Variants in SORCS2 observed in about 807,000 individuals in gnomAD.
SORCS2 encodes the protein sortilin related VPS10 domain containing receptor 2.
In SORCS2, 100 loss-of-function variants were observed where a neutral mutation model predicts 141.6. The ratio of observed to expected loss-of-function variants is 0.71; its 90% CI spans 0.60 to 0.83. The LOEUF is 0.83. Ranked by LOEUF, SORCS2 falls within the 40% of genes least tolerant of loss-of-function variation. The pLI is 0.00. For missense variants in SORCS2, 1,646 were observed against 1,560.2 expected, an observed-to-expected ratio of 1.05 and a Z score of -0.93; for synonymous variants, 789 against 676.9, an observed-to-expected ratio of 1.17 and a Z score of -2.57.
rs1721623376 is a variant in SORCS2, at chr4:7,654,354, C to G, written c.887+147C>G. On this transcript the variant is annotated intron_variant, in intron 5 of 26. Coordinates refer to ENST00000507866, the MANE Select transcript of SORCS2 (RefSeq NM_020777.3). ...GGGCTGGGTCCCCACCGTCCACTGC[C>G]TCTGCCTGCAGCCCCACACCCTCCT... The G allele has an allele frequency of 1.6e-5, 12 of 769,182 alleles. No homozygotes were observed. In the South Asian group the frequency reaches 1.7e-4, roughly 11 times the overall value. The allele number at this position is 769,182 out of a possible 1,614,324, so 47.6% of individuals were successfully genotyped here.
intron 1 of SORCS2, among the ~76,000 whole-genome samples, chr4:7,226,791 C>G (rs1729016260): frequency 6.6e-6 from 1 of 152,170 alleles, no homozygotes; most frequent in African/African-American, 2.4e-5. Flanking sequence ...GGGGGCACGC[C>G]TGCTCCCCAG....
intron 3 of SORCS2, among the ~76,000 whole-genome samples, chr4:7,598,522 C>G (rs978314192): frequency 2.6e-5 from 4 of 152,092 alleles, no homozygotes; most frequent in Non-Finnish European, 4.4e-5. Context: ...GGAAACTCCT[C>G]CTATGGGTGG....
intron 4 of SORCS2, among the ~76,000 whole-genome samples, chr4:7,647,665 G>A (rs182943927): frequency 1.3e-5 from 2 of 152,336 alleles, no homozygotes; most frequent in Non-Finnish European, 2.9e-5. Context: ...GTGTGAGGAA[G>A]ATCCAGTTCT....
At chr4:7,712,210 A>C (rs113291333) in intron 14 of SORCS2, among the ~76,000 whole-genome samples, 2,189 of 152,294 alleles carry the variant, frequency 0.014, 43 homozygotes, top group African/African-American at 0.05. Context: ...TTCTCTTTGA[A>C]TCGCCACCTC....
intron 4 of SORCS2, among the ~76,000 whole-genome samples, chr4:7,645,022 A>G (rs1287478536): frequency 6.6e-6 from 1 of 152,164 alleles, no homozygotes; most frequent in African/African-American, 2.4e-5. Context: ...GGCTTCATAA[A>G]GCTCCAGGGC....
intron 3 of SORCS2, among the ~76,000 whole-genome samples, chr4:7,532,777 C>T (rs1420511465): frequency 6.6e-6 from 1 of 152,052 alleles, no homozygotes; most frequent in African/African-American, 2.4e-5. Context: ...ATGGGATGTC[C>T]TCTCTCTTCC....
intron 2 of SORCS2, among the ~76,000 whole-genome samples, chr4:7,509,107 G>A (rs569865520): frequency 6.6e-6 from 1 of 152,216 alleles, no homozygotes; most frequent in African/African-American, 2.4e-5. Context: ...ACCTGCTTCT[G>A]TACATAGAAC....
intron 16 of SORCS2, among the ~76,000 whole-genome samples, chr4:7,714,907 C>T (rs191606625): frequency 6.6e-6 from 1 of 152,298 alleles, no homozygotes; most frequent in African/African-American, 2.4e-5. Context: ...CCTCTCTTTC[C>T]CTACCTGTCT....
intron 2 of SORCS2, among the ~76,000 whole-genome samples, chr4:7,429,280 C>T (rs534483668): frequency 7.9e-5 from 12 of 152,262 alleles, no homozygotes; most frequent in East Asian, 5.8e-4. Flanking sequence ...CCCAGCTCCC[C>T]GGAGATGTGG....
chr4:7,223,861 CTGT>C (rs1349931072), intron 1 of SORCS2, among the ~76,000 whole-genome samples: 1 of 130,924 alleles, frequency 7.6e-6, no homozygotes, highest in African/African-American at 2.9e-5. Context: ...GAAGTCCATG[CTGT>C]TAAGTGGCTG....
intron 1 of SORCS2, among the ~76,000 whole-genome samples, chr4:7,315,685 C>T (rs1718507708): frequency 1.3e-5 from 2 of 152,216 alleles, no homozygotes; most frequent in Admixed American, 6.5e-5. Flanking sequence ...CAAATGTCAC[C>T]TCTTCCATGA....
intron 1 of SORCS2, among the ~76,000 whole-genome samples, chr4:7,382,540 G>A (rs1699323149): frequency 6.6e-6 from 1 of 152,146 alleles, no homozygotes; most frequent in Admixed American, 6.5e-5. Flanking sequence ...CATAGATTGG[G>A]TCCCAGACTG....
chr4:7,276,279 TC>T lies in SORCS2; in HGVS notation c.480+83155del, dbSNP rs547677835. Among the ~76,000 whole-genome samples, 429 of 152,250 alleles carry T rather than the reference TC, an allele frequency of 2.8e-3. 1 individual carries two copies. Among genetic ancestry groups the T allele is most frequent in the African/African-American group, 9.7e-3 (402 of 41,538 alleles). ...ATGGGGCTTTGGAAGAGATTGCTCT[TC>T]CTGGGAAGGCAGCCTGCCCATGCCC... On this transcript the variant is annotated intron_variant, in intron 1 of 26. Coordinates refer to ENST00000507866, the MANE Select transcript of SORCS2 (RefSeq NM_020777.3).
chr4:7,210,730 A>G (rs1194963626), intron 1 of SORCS2, among the ~76,000 whole-genome samples: 1 of 152,200 alleles, frequency 6.6e-6, no homozygotes, highest in Non-Finnish European at 1.5e-5. Flanking sequence ...TGCCCACCTG[A>G]TGAGACTGAT....
intron 1 of SORCS2, among the ~76,000 whole-genome samples, chr4:7,333,420 G>A (rs916136734): frequency 6.6e-6 from 1 of 152,212 alleles, no homozygotes; most frequent in African/African-American, 2.4e-5. Flanking sequence ...GCCCAGATGG[G>A]ACATCCTCTT....
chr4:7,531,216 A>G (rs1711609091), intron 2 of SORCS2, among the ~76,000 whole-genome samples: 1 of 152,202 alleles, frequency 6.6e-6, no homozygotes, highest in Non-Finnish European at 1.5e-5. Context: ...GGTAACCTAG[A>G]GCTGCCCGGC....
chr4:7,394,496 G>A (rs976456544), intron 1 of SORCS2, among the ~76,000 whole-genome samples: 12 of 149,746 alleles, frequency 8.0e-5, no homozygotes, highest in Non-Finnish European at 1.8e-4. Context: ...AGGTTCAGCA[G>A]GAATTCACCG....
chr4:7,427,076 G>A (rs1726494683), intron 2 of SORCS2, among the ~76,000 whole-genome samples: 1 of 152,144 alleles, frequency 6.6e-6, no homozygotes, highest in Admixed American at 6.5e-5. Context: ...TTGGGCCACG[G>A]CCTCCCAGGG....
At chr4:7,508,350 C>CTTTTT (rs35443053) in intron 2 of SORCS2, among the ~76,000 whole-genome samples, 2 of 69,736 alleles carry the variant, frequency 2.9e-5, no homozygotes, top group African/African-American at 9.5e-5. Context: ...AGATCTCAGG[C>CTTTTT]TTTTTTTTTT....
Sources: gnomAD v4.1 joint callset for allele counts (sites outside exome capture counted in the v4.1 genomes callset) on GRCh38, gnomAD v4.1.1 for gene constraint, MANE v1.5 for transcripts, NCBI Gene and HGNC (gene_info 2026-07-23, HGNC 2026-07-21) for gene names.